The following PDE10A variants were observed in gnomAD, a reference collection of about 807,000 sequenced individuals.
The protein encoded by PDE10A is phosphodiesterase 10A, also known as cAMP and cAMP-inhibited cGMP 3',5'-cyclic phosphodiesterase 10A.
In PDE10A, 39 loss-of-function variants were observed where a neutral mutation model predicts 97.7. The ratio of observed to expected loss-of-function variants is 0.40; its 90% confidence interval spans 0.31 to 0.52. The LOEUF is 0.52. Among genes scored for constraint, PDE10A ranks in the 20% least tolerant of loss-of-function variants. PDE10A has a pLI of 0.56. For missense variants in PDE10A, 731 were observed against 1,047.8 expected, an observed-to-expected ratio of 0.70 and a Z score of 4.17; for synonymous variants, 371 against 376.8, an observed-to-expected ratio of 0.98 and a Z score of 0.18.
At position 165,980,294 on chromosome 6, in the gene PDE10A, A is replaced by G. The variant is rs182929806; in HGVS notation, c.-615+7235T>C. ...GGACAAATGGCCTTCGGTAGAGTTC[A>G]AATAGTTATCATTTCTTTGACTCAA... On this transcript the variant is annotated intron_variant, in intron 1 of 19. Coordinates refer to the PDE10A transcript ENST00000366882. 2.6e-4 allele frequency among the ~76,000 whole-genome samples: 39 copies of G among 152,374 alleles called. No individual in the cohort carries two copies. In the East Asian group the frequency reaches 7.1e-3, roughly 28 times the overall value.
intron 1 of PDE10A, among the ~76,000 whole-genome samples, chr6:165,926,009 T>C (rs1224756579): frequency 6.6e-6 from 1 of 152,240 alleles, no homozygotes; most frequent in Non-Finnish European, 1.5e-5. Context: ...CTCTGTATTA[T>C]TTTTTACAAT....
chr6:165,527,198 A>G (rs114132573), intron 2 of PDE10A, among the ~76,000 whole-genome samples: 271 of 152,326 alleles, frequency 1.8e-3, no homozygotes, highest in African/African-American at 6.1e-3. Flanking sequence ...AGAAGGAGGC[A>G]CAATGCCTAC....
intron 1 of PDE10A, among the ~76,000 whole-genome samples, chr6:165,935,701 G>A (rs1367646774): frequency 6.6e-6 from 1 of 152,206 alleles, no homozygotes; most frequent in Non-Finnish European, 1.5e-5. Context: ...GAGGTGATTA[G>A]GTCATGAGGG....
In PDE10A at chr6:165,741,094, C is replaced by T. The variant is rs553309584; in HGVS notation, c.-614-197526G>A. 3.9e-5 allele frequency among the ~76,000 whole-genome samples: 6 copies of T among 152,018 alleles called. No individual in the cohort carries two copies. The South Asian group carries it at 6.3e-4, about 16-fold the overall frequency. On this transcript the variant is annotated intron_variant, in intron 1 of 19. Transcript: ENST00000366882. The stretch of plus-strand genomic sequence containing the variant: ...TACTGTCTTGTATACTTGAAATTTG[C>T]TAAGAGATTAAGTAGATCTTAAATG...
intron 1 of PDE10A, among the ~76,000 whole-genome samples, chr6:165,920,543 T>TACACAC (rs55746374): frequency 0.035 from 5,195 of 149,352 alleles, 98 homozygotes; most frequent in Non-Finnish European, 0.048. Context: ...AGACTGGGCT[T>TACACAC]ACACACACAC....
At chr6:165,604,228 T>A (rs76154906) in intron 1 of PDE10A, among the ~76,000 whole-genome samples, 15,102 of 152,208 alleles carry the variant, frequency 0.099, 929 homozygotes, top group Non-Finnish European at 0.13. Flanking sequence ...GGGTCTGTAG[T>A]AAAGCGCTGG....
At chr6:165,718,299 G>A (rs1792078292) in intron 1 of PDE10A, 1 of 152,168 alleles carries the variant, frequency 6.6e-6, no homozygotes, top group Admixed American at 6.5e-5. Flanking sequence ...TAATCTCTGT[G>A]TAGTTCCAAT....
At chr6:165,460,284 C>T (rs953487869) in intron 3 of PDE10A, among the ~76,000 whole-genome samples, 39 of 152,190 alleles carry the variant, frequency 2.6e-4, no homozygotes, top group African/African-American at 9.2e-4. Context: ...CAAATACATA[C>T]AGGAGTCATT....
At position 165,418,544 on chromosome 6, in the gene PDE10A, C is replaced by T; in HGVS notation, c.1796+91G>A. 8.6e-7 allele frequency: 1 copy of T among 1,167,102 alleles called. No homozygotes were observed. The allele number at this position is 1,167,102 out of a possible 1,614,324, so 72.3% of individuals were successfully genotyped here. ...GATATCACAGTATGACAAGTATTGT[C>T]AGCATACCTGTGAATAGGCACAGAA... On this transcript the variant is annotated intron_variant, in intron 11 of 21. Transcript: ENST00000539869. The surrounding 1 kb of genome is among the most constrained non-coding windows in gnomAD (Gnocchi z 4.8).
intron 1 of PDE10A, among the ~76,000 whole-genome samples, chr6:165,834,677 C>T (rs924164078): frequency 2.0e-5 from 3 of 152,232 alleles, no homozygotes; most frequent in African/African-American, 7.2e-5. Flanking sequence ...TTCAGCACCA[C>T]GTGGCTGGTC....
At chr6:165,339,988 T>C (rs1272103331) in intron 19 of PDE10A, among the ~76,000 whole-genome samples, 1 of 152,208 alleles carries the variant, frequency 6.6e-6, no homozygotes, top group Non-Finnish European at 1.5e-5. Flanking sequence ...AGATTCACTA[T>C]GTTAGTTACT....
chr6:165,544,206 ATCCT>A (rs1783618947), intron 1 of PDE10A, among the ~76,000 whole-genome samples: 1 of 152,184 alleles, frequency 6.6e-6, no homozygotes, highest in African/African-American at 2.4e-5. Context: ...TACAACACAA[ATCCT>A]TCCTTTTTCT....
At chr6:165,453,530 A>G (rs946175997) in intron 3 of PDE10A, among the ~76,000 whole-genome samples, 4 of 152,202 alleles carry the variant, frequency 2.6e-5, no homozygotes, top group Non-Finnish European at 5.9e-5. Flanking sequence ...ATGGAACCTC[A>G]GCTTTTGCTG....
At chr6:165,900,505 A>G (rs1241931272) in intron 1 of PDE10A, among the ~76,000 whole-genome samples, 1 of 151,770 alleles carries the variant, frequency 6.6e-6, no homozygotes, top group Non-Finnish European at 1.5e-5. Flanking sequence ...AAAAAAAAAG[A>G]CATCTGACCA....
chr6:165,646,619 T>C (rs1164303746), intron 1 of PDE10A, among the ~76,000 whole-genome samples: 2 of 152,192 alleles, frequency 1.3e-5, no homozygotes, highest in Non-Finnish European at 2.9e-5. Context: ...GCTAGTCATC[T>C]GAGATGGACA....
Position 165,530,154 on chromosome 6 carries a change from G to T in PDE10A, c.994+13286C>A, listed in dbSNP as rs1011215794. Among the ~76,000 whole-genome samples, 44 of 152,070 alleles carry T rather than the reference G, an allele frequency of 2.9e-4. 1 individual carries two copies. Among genetic ancestry groups the T allele is most frequent in the Non-Finnish European group, 8.8e-5 (6 of 68,026 alleles). On this transcript the variant is annotated intron_variant, in intron 2 of 21. Coordinates refer to ENST00000539869, the MANE Select transcript of PDE10A (RefSeq NM_001385079.1). ...TCCTGCCCTGGAACATGGGACTCCA[G>T]GTTCTTCAGTTTTGGGACTCAGACT...
chr6:165,576,479 A>AC, intron 1 of PDE10A: 1 of 779,630 alleles, frequency 1.3e-6, no homozygotes, highest in Non-Finnish European at 2.4e-6. Context: ...AGTCTTCTCT[A>AC]CCCCCATCTC....
intron 1 of PDE10A, among the ~76,000 whole-genome samples, chr6:165,593,959 T>C (rs1467879399): frequency 6.6e-6 from 1 of 152,242 alleles, no homozygotes. Flanking sequence ...TAACCTATAA[T>C]GTATAAGCTT....
At chr6:165,786,107 C>T (rs1418117750) in intron 1 of PDE10A, among the ~76,000 whole-genome samples, 5 of 152,186 alleles carry the variant, frequency 3.3e-5, no homozygotes, top group Non-Finnish European at 7.3e-5. Context: ...GCTACGTAAT[C>T]GATTTATTGA....
Sources: gnomAD v4.1 joint callset for allele counts (sites outside exome capture counted in the v4.1 genomes callset) on GRCh38, gnomAD v4.1.1 for gene constraint, Gnocchi (gnomAD v3.1) non-coding constraint, MANE v1.5 for transcripts, NCBI Gene and HGNC (gene_info 2026-07-23, HGNC 2026-07-21) for gene names.